NEGR1: variants seen among roughly 807,000 people sequenced by gnomAD.
NEGR1 encodes the protein neuronal growth regulator 1, also known as IgLON family member 4.
NEGR1 carries 10 observed loss-of-function variants against 40.9 expected under a neutral mutation model. The observed-to-expected ratio is 0.24, with a 90% CI of 0.15 to 0.42. The LOEUF is 0.42. Ranked by LOEUF, NEGR1 falls within the 10% of genes least tolerant of loss-of-function variation. NEGR1 has a pLI of 1.00. For synonymous variants in NEGR1, 185 were observed against 166.8 expected, an observed-to-expected ratio of 1.11 and a Z score of -0.84; for missense variants, 352 against 438.9, an observed-to-expected ratio of 0.80 and a Z score of 1.77.
intron 1 of NEGR1, among the ~76,000 whole-genome samples, chr1:71,943,076 GTA>G (rs954115999): frequency 2.1e-5 from 3 of 142,658 alleles, no homozygotes; most frequent in African/African-American, 7.7e-5. Context: ...ATATATATGT[GTA>G]TATATATACA....
intron 1 of NEGR1, among the ~76,000 whole-genome samples, chr1:72,199,054 A>C (rs1653103176): frequency 6.6e-6 from 1 of 151,698 alleles, no homozygotes; most frequent in Admixed American, 6.6e-5. Flanking sequence ...TCTGGATGTC[A>C]CCTGTTTTGC....
At chr1:71,860,480 T>C (rs774770459) in intron 2 of NEGR1, among the ~76,000 whole-genome samples, 6 of 152,036 alleles carry the variant, frequency 3.9e-5, no homozygotes, top group Admixed American at 1.3e-4. Flanking sequence ...TGGGAAATTA[T>C]AATTCAAAAT....
Position 72,160,794 on chromosome 1 carries a change from C to T in NEGR1, c.176+121525G>A, listed in dbSNP as rs193113266. Among the ~76,000 whole-genome samples the T allele has an allele frequency of 2.1e-3, 327 of 152,188 alleles. 1 individual carries two copies. The highest frequency in any genetic ancestry group is 0.014 in the Middle Eastern group (4 of 294). On this transcript the variant is annotated intron_variant, in intron 1 of 6. Coordinates refer to ENST00000357731, the MANE Select transcript of NEGR1 (RefSeq NM_173808.3). ...CTTTTGAGGCTAGAATTTAAGATTA[C>T]CTGAAGGTAGAAAAATGCCTTATAA...
chr1:71,733,637 T>C (rs1654955398), intron 3 of NEGR1, among the ~76,000 whole-genome samples: 1 of 152,076 alleles, frequency 6.6e-6, no homozygotes, highest in South Asian at 2.1e-4. Flanking sequence ...ATTATAGAAG[T>C]TAGTGGGGGA....
chr1:71,408,745 C>G (rs1251816832), intron 6 of NEGR1: 3 of 152,038 alleles, frequency 2.0e-5, no homozygotes, highest in Non-Finnish European at 4.4e-5. Context: ...ATTTCAAGCA[C>G]TATTTCCTAG....
chr1:71,407,523 AAAG>A lies in NEGR1; in HGVS notation c.985_987del (p.Leu329del). ...GTCAACACAAGGTACCAGCAGGAGA[AAAG>A]AACATCAGCGCTCCCGGTAATTCCA... On this transcript the variant is annotated inframe_deletion, in exon 7 of 7. Coordinates refer to ENST00000357731, the MANE Select transcript of NEGR1 (RefSeq NM_173808.3). 1 of 1,612,452 alleles carries A rather than the reference AAAG, an allele frequency of 6.2e-7. No homozygotes were observed. Among genetic ancestry groups the A allele is most frequent in the East Asian group, 2.2e-5 (1 of 44,836 alleles).
intron 1 of NEGR1, among the ~76,000 whole-genome samples, chr1:72,008,417 A>G (rs189519343): frequency 6.6e-6 from 1 of 152,232 alleles, no homozygotes; most frequent in South Asian, 2.1e-4. Context: ...TTCTGACTCT[A>G]CATTCTAAGT....
At chr1:71,490,560 A>G (rs1027551095) in intron 6 of NEGR1, among the ~76,000 whole-genome samples, 1 of 151,974 alleles carries the variant, frequency 6.6e-6, no homozygotes, top group African/African-American at 2.4e-5. Context: ...AGTCTAAACC[A>G]TTCTATGCGA....
At chr1:71,991,452 C>G (rs1646450064) in intron 1 of NEGR1, among the ~76,000 whole-genome samples, 1 of 152,292 alleles carries the variant, frequency 6.6e-6, no homozygotes, top group Non-Finnish European at 1.5e-5. Flanking sequence ...AAACAGATCA[C>G]TTTTCCTGCT....
chr1:71,550,350 T>C (rs906597455), intron 6 of NEGR1, among the ~76,000 whole-genome samples: 3 of 151,676 alleles, frequency 2.0e-5, no homozygotes, highest in African/African-American at 7.3e-5. Context: ...TAAGAGTACC[T>C]TCCCTTATTA....
intron 4 of NEGR1, among the ~76,000 whole-genome samples, chr1:71,653,354 T>C (rs558171053): frequency 1.6e-4 from 24 of 152,348 alleles, no homozygotes; most frequent in African/African-American, 5.5e-4. Context: ...AATATTCATG[T>C]GCACAAACTT....
chr1:71,467,250 G>A (rs568680971), intron 6 of NEGR1, among the ~76,000 whole-genome samples: 1 of 152,168 alleles, frequency 6.6e-6, no homozygotes, highest in South Asian at 2.1e-4. Context: ...TCCCAAGGCT[G>A]TGTTGGAAGT....
intron 6 of NEGR1, among the ~76,000 whole-genome samples, chr1:71,538,369 GTTA>G (rs1453550309): frequency 4.0e-5 from 6 of 151,664 alleles, no homozygotes; most frequent in African/African-American, 1.5e-4. Context: ...TTATCTTTAT[GTTA>G]TTATACAGTA....
chr1:72,272,428 C>A (rs532156770), intron 1 of NEGR1, among the ~76,000 whole-genome samples: 1 of 151,890 alleles, frequency 6.6e-6, no homozygotes, highest in Admixed American at 6.6e-5. Context: ...TAAATATATT[C>A]TACTGTAAGA....
At chr1:71,906,649 A>C (rs899669548) in intron 2 of NEGR1, among the ~76,000 whole-genome samples, 1 of 152,042 alleles carries the variant, frequency 6.6e-6, no homozygotes, top group Non-Finnish European at 1.5e-5. Flanking sequence ...GTGAAAAAAA[A>C]CTGTCAAATT....
chr1:71,862,279 AG>A (rs771729773), intron 2 of NEGR1, among the ~76,000 whole-genome samples: 77 of 152,228 alleles, frequency 5.1e-4, no homozygotes, highest in Non-Finnish European at 9.4e-4. Context: ...AAGTGAACCT[AG>A]GTTTTCTGAC....
chr1:71,524,655 T>A (rs937291350), intron 6 of NEGR1, among the ~76,000 whole-genome samples: 2 of 151,684 alleles, frequency 1.3e-5, no homozygotes, highest in Non-Finnish European at 3.0e-5. Context: ...TACATTCTAA[T>A]TCCCGAAACC....
intron 4 of NEGR1, among the ~76,000 whole-genome samples, chr1:71,697,396 G>A (rs893807632): frequency 4.0e-5 from 6 of 151,734 alleles, no homozygotes; most frequent in Non-Finnish European, 8.9e-5. Flanking sequence ...GGATGTTACT[G>A]GAAAATCATC....
intron 1 of NEGR1, among the ~76,000 whole-genome samples, chr1:72,258,864 A>G (rs754423778): frequency 1.3e-5 from 2 of 152,270 alleles, no homozygotes; most frequent in East Asian, 3.9e-4. Context: ...AGCCAATAAA[A>G]TCTTCTTTTA....
Sources: allele counts gnomAD v4.1 joint callset (sites outside exome capture counted in the v4.1 genomes callset), GRCh38; gene constraint gnomAD v4.1.1; transcripts MANE v1.5; gene names NCBI Gene and HGNC (gene_info 2026-07-23, HGNC 2026-07-21).